CPNE5: variants seen among roughly 807,000 people sequenced by gnomAD.
CPNE5 encodes copine 5.
A neutral mutation model predicts 81.1 loss-of-function variants in CPNE5; 42 were observed. The observed-to-expected ratio is 0.52, with a 90% CI of 0.40 to 0.67. The LOEUF is 0.67. Among genes scored for constraint, CPNE5 ranks in the 30% least tolerant of loss-of-function variants. The pLI is 0.00. For synonymous variants in CPNE5, 313 were observed against 321.5 expected (o/e 0.97, Z 0.28); for missense variants, 612 against 815.5 (o/e 0.75, Z 3.04).
At chr6:36,742,579 C>G (rs1458717239) in intron 20 of CPNE5, 93 bp from the exon 21 acceptor site, 1 of 838,886 alleles carries the variant, frequency 1.2e-6, no homozygotes, top group Non-Finnish European at 1.9e-6. Flanking sequence ...CACCCCCCTC[C>G]CAGCCTCTGC....
intron 14 of CPNE5, among the ~76,000 whole-genome samples, chr6:36,748,498 G>A (rs1369734194): frequency 2.0e-5 from 3 of 152,192 alleles, no homozygotes; most frequent in African/African-American, 4.8e-5. Flanking sequence ...AAAGCTCTTT[G>A]AAGATGATTG....
intron 9 of CPNE5, among the ~76,000 whole-genome samples, chr6:36,776,191 C>T (rs537329956): frequency 2.0e-5 from 3 of 152,258 alleles, no homozygotes; most frequent in South Asian, 2.1e-4. Context: ...GGGGCAGGGG[C>T]GTCTCTCTGA....
Position 36,746,502 on chromosome 6 carries a change from G to A in CPNE5, c.1094C>T (p.Ala365Val). The A allele has an allele frequency of 6.2e-7, 1 of 1,613,736 alleles. No homozygotes were observed. The highest frequency in any genetic ancestry group is 8.5e-7 in the Non-Finnish European group (1 of 1,179,762). Reference protein sequence around the residue: ...QLNAYALALTAVGEIIQHYDS... With the variant: ...QLNAYALALTVVGEIIQHYDS... ...GTAGTGCTGGATGATCTCTCCGACG[G>A]CAGTCAGCGCCAGCGCGTAGGCGTT... Residue 365 changes from alanine (A) to valine (V), a missense_variant, in exon 16 of 21, where the codon GCC (alanine) becomes GTC (valine). Transcript: ENST00000244751. The surrounding 1 kb of genome is among the most constrained non-coding windows in gnomAD (Gnocchi z 4.5).
At chr6:36,773,409 T>C (rs1767218111) in intron 10 of CPNE5, among the ~76,000 whole-genome samples, 1 of 152,240 alleles carries the variant, frequency 6.6e-6, no homozygotes, top group Admixed American at 6.5e-5. Flanking sequence ...TGCTACAATG[T>C]ATAATTACAT....
At chr6:36,826,108 G>C (rs1583030848) in intron 1 of CPNE5, among the ~76,000 whole-genome samples, 1 of 152,166 alleles carries the variant, frequency 6.6e-6, no homozygotes, top group African/African-American at 2.4e-5. Flanking sequence ...GAGAAAGAGA[G>C]TGAGGCCCTG....
intron 8 of CPNE5, among the ~76,000 whole-genome samples, chr6:36,785,962 G>A (rs555932039): frequency 6.0e-4 from 83 of 138,036 alleles, no homozygotes; most frequent in Admixed American, 1.9e-3. Flanking sequence ...GTAGTCAGCC[G>A]AGACCGTGGC....
Position 36,753,020 on chromosome 6 carries a change from G to A in CPNE5, c.971+14C>T, listed in dbSNP as rs1562095907. The A allele has an allele frequency of 6.2e-7, 1 of 1,604,806 alleles. No individual in the cohort carries two copies. Among genetic ancestry groups the A allele is most frequent in the Non-Finnish European group, 8.5e-7 (1 of 1,172,172 alleles). ...CTCCCCAAGGCCCATGAAATTGGCT[G>A]TATCTCTTCTCACCCTCCTTTGATG... On this transcript the variant is annotated intron_variant, in intron 14 of 20. Transcript: ENST00000244751.
At position 36,748,188 on chromosome 6, in the gene CPNE5, C is replaced by T. The variant is rs778008169; in HGVS notation, c.1018+33G>A. ...CACAGCCCTTAAAAGCTCTCTCCTC[C>T]CACCCTGCTCCTCTACCCATCCCCC... On this transcript the variant is annotated intron_variant, in intron 15 of 20. Transcript: ENST00000244751. 3.7e-6 allele frequency: 6 copies of T among 1,607,994 alleles called. No individual in the cohort carries two copies. The South Asian group carries it at 6.6e-5, about 18-fold the overall frequency.
Position 36,746,498 on chromosome 6 carries a change from G to A in CPNE5, c.1098C>T (p.Val366=), listed in dbSNP as rs61740903. The change falls in exon 16 of 21, where the codon GTC becomes GTT. Residue 366 remains valine (V), a synonymous_variant. Coordinates refer to ENST00000244751, the MANE Select transcript of CPNE5 (RefSeq NM_020939.2). This position sits in a 1 kb window ranked among gnomAD's most constrained non-coding sequence, Gnocchi z 4.5. ...LNAYALALTA[V]GEIIQHYDSD... ...TGTCGTAGTGCTGGATGATCTCTCC[G>A]ACGGCAGTCAGCGCCAGCGCGTAGG... 3.7e-6 allele frequency: 6 copies of A among 1,613,812 alleles called. No individual in the cohort carries two copies. In the East Asian group the frequency reaches 6.7e-5, roughly 18 times the overall value.
At chr6:36,780,823 A>G (rs1767979517) in intron 8 of CPNE5, among the ~76,000 whole-genome samples, 1 of 152,198 alleles carries the variant, frequency 6.6e-6, no homozygotes, top group Non-Finnish European at 1.5e-5. Flanking sequence ...TACACCCCTT[A>G]TCATATTTAG....
chr6:36,787,603 C>T (rs920289119), intron 8 of CPNE5, among the ~76,000 whole-genome samples: 1 of 152,122 alleles, frequency 6.6e-6, no homozygotes, highest in East Asian at 1.9e-4. Flanking sequence ...ATGTGATTGC[C>T]GGTTGGCATT....
At chr6:36,756,621 C>A (rs1365690937) in intron 12 of CPNE5, among the ~76,000 whole-genome samples, 3 of 152,164 alleles carry the variant, frequency 2.0e-5, no homozygotes, top group African/African-American at 7.2e-5. Context: ...TGTTGCAAAG[C>A]GGCCCTATCT....
chr6:36,810,825 A>G (rs944766788), intron 3 of CPNE5, among the ~76,000 whole-genome samples: 2 of 152,266 alleles, frequency 1.3e-5, no homozygotes, highest in Middle Eastern at 6.8e-3. Context: ...TGACCTCCCA[A>G]ATGGCTGCCT....
chr6:36,742,312 G>C lies in CPNE5; in HGVS notation c.1738C>G (p.Pro580Ala). The part of the protein sequence containing the change: ...AAPTHSPSQS[P>A]ARTPPASPLH... ...GGGGACGCAGGGGGCGTGCGGGCTG[G>C]GGACTGCGAGGGCGAGTGGGTTGGT... The change falls in exon 21 of 21, where the codon CCA becomes GCA. Residue 580 changes from proline (P) to alanine (A), a missense_variant. Coordinates refer to ENST00000244751, the MANE Select transcript of CPNE5 (RefSeq NM_020939.2). The C allele has an allele frequency of 6.2e-7, 1 of 1,609,048 alleles. No homozygotes were observed. Among genetic ancestry groups the C allele is most frequent in the Non-Finnish European group, 8.5e-7 (1 of 1,179,046 alleles).
rs376127796 is a variant in CPNE5 at position 36,760,237 on chromosome 6, G to A, written c.855+2680C>T. 6.7e-3 allele frequency among the ~76,000 whole-genome samples: 942 copies of A among 141,580 alleles called. 10 individuals are homozygous for A. The highest frequency in any genetic ancestry group is 0.024 in the African/African-American group (915 of 38,878). The allele number at this position is 141,580 out of a possible 152,430, so 92.9% of individuals were successfully genotyped here. Reference sequence around the variant, plus strand: ...CATCTTAAAAAAAAAAAAAAAGCACGCATACACAGATTGCGGGTGGCTGGC... The same window carrying A: ...CATCTTAAAAAAAAAAAAAAAGCACACATACACAGATTGCGGGTGGCTGGC... On this transcript the variant is annotated intron_variant, in intron 12 of 20. Coordinates refer to ENST00000244751, the MANE Select transcript of CPNE5 (RefSeq NM_020939.2).
intron 1 of CPNE5, among the ~76,000 whole-genome samples, chr6:36,834,788 T>C (rs1046697657): frequency 3.3e-5 from 5 of 152,140 alleles, no homozygotes; most frequent in Non-Finnish European, 5.9e-5. Context: ...CCTGAGTACC[T>C]TAGTGTATTC....
chr6:36,769,361 A>G (rs1015355654), intron 10 of CPNE5, among the ~76,000 whole-genome samples: 1 of 152,212 alleles, frequency 6.6e-6, no homozygotes, highest in Admixed American at 6.5e-5. Flanking sequence ...TAGAGCCACA[A>G]TGACAGAGCC....
At chr6:36,749,193 C>T (rs2150368990) in intron 14 of CPNE5, among the ~76,000 whole-genome samples, 1 of 152,140 alleles carries the variant, frequency 6.6e-6, no homozygotes, top group Admixed American at 6.5e-5. Context: ...GCCTCAGCCT[C>T]CCAAAGTGCT....
chr6:36,782,816 AACACACAC>A (rs3997726), intron 8 of CPNE5, among the ~76,000 whole-genome samples: 3,467 of 126,278 alleles, frequency 0.027, 47 homozygotes, highest in Admixed American at 0.034. Context: ...CAAAAACCAA[AACACACAC>A]ACACACACAC....
Sources: allele counts gnomAD v4.1 joint callset (sites outside exome capture counted in the v4.1 genomes callset), GRCh38; gene constraint gnomAD v4.1.1; non-coding constraint Gnocchi (gnomAD v3.1); transcripts MANE v1.5; gene names NCBI Gene and HGNC (gene_info 2026-07-23, HGNC 2026-07-21).